The following FRMD4A variants were observed in gnomAD, a reference collection of about 807,000 sequenced individuals.
FRMD4A encodes FERM domain containing 4A.
A neutral mutation model predicts 129.1 loss-of-function variants in FRMD4A; 29 were observed. That is an observed-to-expected ratio of 0.22 (90% CI 0.17 to 0.31). FRMD4A has a LOEUF of 0.31. FRMD4A is among the 10% of genes least tolerant of loss of function. The pLI, the probability that FRMD4A is intolerant of heterozygous loss-of-function variation, is 1.00. For synonymous variants in FRMD4A, 634 were observed against 571.6 expected, an observed-to-expected ratio of 1.11 and a Z score of -1.56; for missense variants, 1,272 against 1,375.8, an observed-to-expected ratio of 0.92 and a Z score of 1.19.
intron 6 of FRMD4A, among the ~76,000 whole-genome samples, chr10:13,773,649 C>T (rs910274004): frequency 6.6e-5 from 10 of 152,168 alleles, no homozygotes; most frequent in South Asian, 4.1e-4. Flanking sequence ...TGTCATTTTA[C>T]GACCTATGTT....
intron 2 of FRMD4A, among the ~76,000 whole-genome samples, chr10:13,984,463 G>A (rs2095574005): frequency 6.6e-6 from 1 of 152,228 alleles, no homozygotes; most frequent in East Asian, 1.9e-4. Flanking sequence ...TATTCACAGC[G>A]TTGTGCAGCC....
chr10:13,958,132 T>G (rs2095421064), intron 2 of FRMD4A, among the ~76,000 whole-genome samples: 1 of 152,154 alleles, frequency 6.6e-6, no homozygotes, highest in African/African-American at 2.4e-5. Context: ...GCGAGTGATT[T>G]ACCTAGCTAT....
intron 2 of FRMD4A, among the ~76,000 whole-genome samples, chr10:14,270,708 G>A (rs929420005): frequency 2.0e-5 from 3 of 152,152 alleles, no homozygotes; most frequent in Non-Finnish European, 2.9e-5. Context: ...TGGAAACTGC[G>A]ACTTTAAGTG....
At chr10:13,848,310 T>C (rs1450091363) in intron 3 of FRMD4A, among the ~76,000 whole-genome samples, 1 of 152,194 alleles carries the variant, frequency 6.6e-6, no homozygotes, top group East Asian at 1.9e-4. Context: ...TCTCCCTTTT[T>C]TTCTCTCTCC....
At chr10:13,858,501 G>A (rs1410603109) in intron 3 of FRMD4A, among the ~76,000 whole-genome samples, 1 of 152,174 alleles carries the variant, frequency 6.6e-6, no homozygotes, top group East Asian at 1.9e-4. Flanking sequence ...TCTGAGCAAG[G>A]AAGACTAAAT....
intron 2 of FRMD4A, among the ~76,000 whole-genome samples, chr10:14,213,161 T>C (rs1004298869): frequency 6.6e-6 from 1 of 152,144 alleles, no homozygotes; most frequent in African/African-American, 2.4e-5. Context: ...GGAGGATCAC[T>C]TGAGCCTGGG....
At chr10:14,279,876 G>C (rs1180851012) in intron 2 of FRMD4A, among the ~76,000 whole-genome samples, 1 of 152,154 alleles carries the variant, frequency 6.6e-6, no homozygotes. Context: ...TCAAGCCTAT[G>C]GTCATAACCA....
At chr10:13,895,416 C>T (rs1343155276) in intron 2 of FRMD4A, among the ~76,000 whole-genome samples, 2 of 152,140 alleles carry the variant, frequency 1.3e-5, no homozygotes, top group Non-Finnish European at 2.9e-5. Context: ...GATATGATCT[C>T]ATTCTTTTTT....
chr10:14,163,085 G>T (rs1209143428), intron 2 of FRMD4A, among the ~76,000 whole-genome samples: 1 of 152,060 alleles, frequency 6.6e-6, no homozygotes, highest in African/African-American at 2.4e-5. Context: ...TAATGTGGGG[G>T]TTATTTGAGT....
intron 2 of FRMD4A, among the ~76,000 whole-genome samples, chr10:13,939,990 T>G (rs980483174): frequency 1.3e-5 from 2 of 152,140 alleles, no homozygotes; most frequent in African/African-American, 4.8e-5. Flanking sequence ...GCTCTTTGAT[T>G]GAAATAAATG....
chr10:13,897,621 A>G (rs2094772759), intron 2 of FRMD4A, among the ~76,000 whole-genome samples: 1 of 152,150 alleles, frequency 6.6e-6, no homozygotes, highest in African/African-American at 2.4e-5. Flanking sequence ...ATTCTAAGAT[A>G]TGTGTCTTAG....
chr10:13,948,486 C>T (rs968779302), intron 2 of FRMD4A, among the ~76,000 whole-genome samples: 2 of 151,884 alleles, frequency 1.3e-5, no homozygotes, highest in African/African-American at 4.8e-5. Context: ...GTGACTTATA[C>T]AATGATGGAT....
chr10:14,014,831 T>C (rs930153766), intron 2 of FRMD4A, among the ~76,000 whole-genome samples: 1 of 152,216 alleles, frequency 6.6e-6, no homozygotes, highest in African/African-American at 2.4e-5. Flanking sequence ...AGACTTTTCC[T>C]CCTCCTGTGC....
chr10:13,990,017 C>T (rs1017997985), intron 2 of FRMD4A, among the ~76,000 whole-genome samples: 2 of 152,168 alleles, frequency 1.3e-5, no homozygotes, highest in South Asian at 2.1e-4. Context: ...CATTTAGATT[C>T]GCTCTGGAGA....
intron 2 of FRMD4A, among the ~76,000 whole-genome samples, chr10:14,319,560 C>T (rs1045502863): frequency 7.9e-5 from 12 of 152,154 alleles, no homozygotes; most frequent in South Asian, 2.1e-4. Context: ...TGGGGCCATG[C>T]GGCACATTCA....
chr10:14,136,133 G>C lies in FRMD4A; in HGVS notation c.45+193925C>G, dbSNP rs151146940. ...TTCGTGTTATGCATTTTACAGGAAT[G>C]AGACAGTGAGAGAAACTCAGGTGCC... is the stretch of plus-strand genomic sequence containing the variant. On this transcript the variant is annotated intron_variant, in intron 2 of 24. Transcript: ENST00000357447. 2.0e-3 allele frequency among the ~76,000 whole-genome samples: 300 copies of C among 152,256 alleles called. 2 individuals carry two copies. The highest frequency in any genetic ancestry group is 6.1e-3 in the African/African-American group (254 of 41,544).
intron 2 of FRMD4A, among the ~76,000 whole-genome samples, chr10:14,127,242 C>T (rs1361696235): frequency 6.6e-6 from 1 of 152,128 alleles, no homozygotes; most frequent in Non-Finnish European, 1.5e-5. Flanking sequence ...AGGAGGGTGG[C>T]CTGGAGAGGT....
intron 2 of FRMD4A, among the ~76,000 whole-genome samples, chr10:13,922,976 T>G (rs552972466): frequency 6.6e-6 from 1 of 152,208 alleles, no homozygotes; most frequent in African/African-American, 2.4e-5. Context: ...GGTTAAATTA[T>G]GCTTGTAAGA....
intron 6 of FRMD4A, among the ~76,000 whole-genome samples, chr10:13,764,326 G>A (rs561219464): frequency 1.1e-4 from 17 of 151,860 alleles, no homozygotes; most frequent in African/African-American, 3.1e-4. Flanking sequence ...TCAACGTGGC[G>A]AAACCCCATC....
Sources: allele counts gnomAD v4.1 joint callset (sites outside exome capture counted in the v4.1 genomes callset), GRCh38; gene constraint gnomAD v4.1.1; transcripts MANE v1.5; gene names NCBI Gene and HGNC (gene_info 2026-07-23, HGNC 2026-07-21).